MYH11: variants seen among roughly 807,000 people sequenced by gnomAD.
MYH11 encodes myosin-11.
Under a neutral mutation model 246.6 loss-of-function variants are expected in MYH11, and 80 were observed. The observed-to-expected ratio is 0.32, with a 90% CI of 0.27 to 0.39. The LOEUF is 0.39. MYH11 is among the 10% of genes least tolerant of loss of function. The pLI is 1.00. For missense variants in MYH11, 2,158 were observed against 2,546.8 expected, an observed-to-expected ratio of 0.85 and a Z score of 3.29; for synonymous variants, 1,071 against 1,015.5, an observed-to-expected ratio of 1.05 and a Z score of -1.04.
rs367746199 is a variant in MYH11 at position 15,721,573 on chromosome 16, G to C, written c.4427C>G (p.Ala1476Gly). The change falls in exon 32 of 41, where the codon GCA becomes GGA. Residue 1476 changes from alanine to glycine, a missense_variant. By Grantham distance (60) the Ala-to-Gly change is moderately conservative. This residue lies in a region of MYH11 where 1,013 missense variants were observed against 993.5 expected (regional missense o/e 1.02). Transcript: ENST00000300036. Reference sequence around the variant, plus strand: ...CTTGGTTTCCTTCTCCCTGGCTTCTGCCTCAGCTCTGTCCCTCTCATCCGC... The same window carrying C: ...CTTGGTTTCCTTCTCCCTGGCTTCTCCCTCAGCTCTGTCCCTCTCATCCGC... ...KYADERDRAE[A>G]EAREKETKAL... 18 of 1,614,156 alleles carry C rather than the reference G, an allele frequency of 1.1e-5. No individual in the cohort carries two copies. The Middle Eastern group carries it at 4.9e-4, about 44-fold the overall frequency.
At chr16:15,808,832 A>G (rs1167111195) in intron 3 of MYH11, among the ~76,000 whole-genome samples, 2 of 152,170 alleles carry the variant, frequency 1.3e-5, no homozygotes, top group African/African-American at 2.4e-5. Flanking sequence ...GTTCGAGGTT[A>G]CAGGGAGCTA....
chr16:15,831,054 C>G (rs2043723313), intron 2 of MYH11, among the ~76,000 whole-genome samples: 1 of 152,124 alleles, frequency 6.6e-6, no homozygotes. Flanking sequence ...CGCCTGTAGT[C>G]TCAGCTACTT....
intron 2 of MYH11, among the ~76,000 whole-genome samples, chr16:15,830,797 G>C (rs567976827): frequency 4.7e-4 from 71 of 152,108 alleles, no homozygotes; most frequent in Non-Finnish European, 1.0e-3. Flanking sequence ...ATGATCGCTT[G>C]AATCCAGAAG....
At chr16:15,725,194 C>A in intron 28 of MYH11, 1 of 619,838 alleles carries the variant, frequency 1.6e-6, no homozygotes, top group Admixed American at 2.8e-5. Flanking sequence ...TTGAAGGGAA[C>A]TCCGTCACCT....
intron 22 of MYH11, among the ~76,000 whole-genome samples, chr16:15,740,987 C>A (rs1341950038): frequency 6.6e-6 from 1 of 152,164 alleles, no homozygotes; most frequent in East Asian, 1.9e-4. Flanking sequence ...CCTCCTCCAA[C>A]AGCTGTGTGA....
rs954484060 is a variant in MYH11, at chr16:15,759,783, T to A, written c.1249-55A>T. ...ATTCTCAATGGGCTCCATTTTCACA[T>A]AAGCCAGGCTGGTGGTGAAGATTTT... is the stretch of plus-strand genomic sequence containing the variant. On this transcript the variant is annotated intron_variant, in intron 11 of 40. Transcript: ENST00000300036. The A allele has an allele frequency of 2.5e-6, 4 of 1,604,620 alleles. No homozygotes were observed. The African/African-American group carries it at 5.4e-5, about 22-fold the overall frequency.
At chr16:15,788,077 C>CTTTTTTTTTTT (rs1555569336) in intron 4 of MYH11, among the ~76,000 whole-genome samples, 2,024 of 55,236 alleles carry the variant, frequency 0.037, 378 homozygotes, top group Middle Eastern at 0.095. Context: ...GAAGGTAGAT[C>CTTTTTTTTTTT]TTTTTTTTTT....
rs778650159 is a variant in MYH11, at chr16:15,741,906, T to C, written c.2521-15A>G. 7.4e-6 allele frequency: 12 copies of C among 1,614,036 alleles called. No individual in the cohort carries two copies. The highest frequency in any genetic ancestry group is 9.3e-6 in the Non-Finnish European group (11 of 1,180,030). On this transcript the variant is annotated splice_polypyrimidine_tract_variant and intron_variant, in intron 20 of 40. Coordinates refer to ENST00000300036, the MANE Select transcript of MYH11 (RefSeq NM_002474.3). ...AGTGGCTTCACCTGCACACACACGGTTAGCCCATCATTTGTTTTTGTGGCA... is the reference window on the plus strand; with the variant it reads ...AGTGGCTTCACCTGCACACACACGGCTAGCCCATCATTTGTTTTTGTGGCA...
In MYH11 at chr16:15,735,637, A is replaced by G. The variant is rs1356892820; in HGVS notation, c.3294-59T>C. Reference sequence around the variant, plus strand: ...AGGTCCCTTGGTTTCCTCTCTTACAATGTGGCCAAAAACTTTTCTGGGACC... The same window carrying G: ...AGGTCCCTTGGTTTCCTCTCTTACAGTGTGGCCAAAAACTTTTCTGGGACC... On this transcript the variant is annotated intron_variant, in intron 25 of 40. Transcript: ENST00000300036. 3.8e-6 allele frequency: 6 copies of G among 1,586,746 alleles called. No individual in the cohort carries two copies. In the South Asian group the frequency reaches 5.5e-5, roughly 15 times the overall value.
At chr16:15,805,506 A>T (rs1180238880) in intron 3 of MYH11, among the ~76,000 whole-genome samples, 1 of 152,212 alleles carries the variant, frequency 6.6e-6, no homozygotes, top group Non-Finnish European at 1.5e-5. Context: ...AAAATTATGG[A>T]CTTTATTCAT....
At chr16:15,781,139 C>G (rs1027266869) in intron 6 of MYH11, among the ~76,000 whole-genome samples, 22 of 152,220 alleles carry the variant, frequency 1.4e-4, no homozygotes, top group African/African-American at 5.1e-4. Context: ...CTCTTGAGCT[C>G]AAGTGATCTG....
intron 2 of MYH11, among the ~76,000 whole-genome samples, chr16:15,831,925 G>C (rs142783292): frequency 2.9e-3 from 446 of 151,828 alleles, no homozygotes; most frequent in Non-Finnish European, 4.7e-3. Flanking sequence ...GTGACAGAGC[G>C]AGACTCCATG....
chr16:15,772,264 G>T (rs891189046), intron 8 of MYH11, among the ~76,000 whole-genome samples: 4 of 151,672 alleles, frequency 2.6e-5, no homozygotes, highest in African/African-American at 9.7e-5. Flanking sequence ...GCTAAATTTT[G>T]TATTTTTAGT....
chr16:15,823,052 G>A (rs1266649030), intron 3 of MYH11, among the ~76,000 whole-genome samples: 5 of 152,382 alleles, frequency 3.3e-5, no homozygotes, highest in South Asian at 4.1e-4. Flanking sequence ...GCCCATGCCC[G>A]TATTTGCCCA....
At chr16:15,814,290 C>G (rs540210883) in intron 3 of MYH11, among the ~76,000 whole-genome samples, 1 of 151,956 alleles carries the variant, frequency 6.6e-6, no homozygotes, top group Non-Finnish European at 1.5e-5. Flanking sequence ...CCGTGGCTCA[C>G]GCCTGTAATC....
At chr16:15,850,943 T>A (rs536209146) in intron 1 of MYH11, among the ~76,000 whole-genome samples, 1 of 152,030 alleles carries the variant, frequency 6.6e-6, no homozygotes, top group East Asian at 1.9e-4. Context: ...CTAAATGTCA[T>A]AAAGGGCTGG....
chr16:15,715,170 C>T lies in MYH11; in HGVS notation c.5607G>A (p.Lys1869=), dbSNP rs372546520. The change falls in exon 39 of 41, where the codon AAG becomes AAA. Residue 1869 remains lysine (K), a synonymous_variant. Transcript: ENST00000300036. ...EDERKMAEQY[K]EQAEKGNARV... ...GCTGGGTGGCAGGGGCTACCTGCTC[C>T]TTGTACTGCTCGGCCATCTTGCGCT... is the stretch of plus-strand genomic sequence containing the variant. 8 of 1,613,574 alleles carry T rather than the reference C, an allele frequency of 5.0e-6. No homozygotes were observed. The African/African-American group carries it at 5.3e-5, about 11-fold the overall frequency.
Position 15,724,195 on chromosome 16 carries a change from G to A in MYH11, c.4331C>T (p.Ser1444Phe). The A allele has an allele frequency of 6.2e-7, 1 of 1,613,980 alleles. No homozygotes were observed. Among genetic ancestry groups the A allele is most frequent in the Non-Finnish European group, 8.5e-7 (1 of 1,180,030 alleles). ...TTTCCTCTGCTTCTTTTCCAGGTTGGACACGAGTTGCCGCTGGTTGTCCAA... is the reference window on the plus strand; with the variant it reads ...TTTCCTCTGCTTCTTTTCCAGGTTGAACACGAGTTGCCGCTGGTTGTCCAA... The part of the protein sequence containing the change: ...VDLDNQRQLV[S>F]NLEKKQRKFD... The change falls in exon 31 of 41, where the codon TCC becomes TTC. Residue 1444 changes from serine to phenylalanine, a missense_variant. Coordinates refer to ENST00000300036, the MANE Select transcript of MYH11 (RefSeq NM_002474.3).
chr16:15,850,768 G>GC (rs2044309797), intron 1 of MYH11, among the ~76,000 whole-genome samples: 1 of 152,082 alleles, frequency 6.6e-6, no homozygotes, highest in African/African-American at 2.4e-5. Context: ...GGCAGCACAT[G>GC]CCGGTAGTCC....
Sources: allele counts gnomAD v4.1 joint callset (sites outside exome capture counted in the v4.1 genomes callset), GRCh38; gene constraint gnomAD v4.1.1; regional missense constraint gnomAD v4.1.1; transcripts MANE v1.5; gene names NCBI Gene and HGNC (gene_info 2026-07-23, HGNC 2026-07-21).